Variants in CYP2C19 observed in about 807,000 individuals in gnomAD.
The protein encoded by CYP2C19 is cytochrome P450 2C19.
In CYP2C19, 59 loss-of-function variants were observed where a neutral mutation model predicts 40.9. The observed-to-expected ratio is 1.44, with a 90% CI of 1.17 to 1.79. CYP2C19 has a LOEUF of 1.79. CYP2C19 is among the 40% of genes most tolerant of loss of function. The pLI is 0.00. For synonymous variants in CYP2C19, 253 were observed against 208.7 expected, an observed-to-expected ratio of 1.21 and a Z score of -1.83; for missense variants, 754 against 596.9, an observed-to-expected ratio of 1.26 and a Z score of -2.74.
intron 6 of CYP2C19, among the ~76,000 whole-genome samples, chr10:94,835,394 C>T (rs533203900): frequency 6.6e-6 from 1 of 152,232 alleles, no homozygotes; most frequent in African/African-American, 2.4e-5. Context: ...TGGTGGCTAG[C>T]CATCCCGAGG....
intron 1 of CYP2C19, among the ~76,000 whole-genome samples, chr10:94,769,917 C>T (rs1564659240): frequency 1.3e-5 from 2 of 152,082 alleles, no homozygotes; most frequent in Non-Finnish European, 2.9e-5. Flanking sequence ...TATATCCCTC[C>T]TTAATAAGGG....
chr10:94,832,160 G>A (rs1210154902), intron 6 of CYP2C19, among the ~76,000 whole-genome samples: 1 of 152,150 alleles, frequency 6.6e-6, no homozygotes, highest in African/African-American at 2.4e-5. Flanking sequence ...TGATGAGATG[G>A]TCTTTCCCCC....
At chr10:94,846,834 T>C (rs954269542) in intron 7 of CYP2C19, among the ~76,000 whole-genome samples, 9 of 150,986 alleles carry the variant, frequency 6.0e-5, no homozygotes, top group African/African-American at 2.2e-4. Flanking sequence ...GCTATCTTTC[T>C]GTATTTTTAA....
intron 7 of CYP2C19, among the ~76,000 whole-genome samples, chr10:94,846,287 A>G (rs187752808): frequency 1.3e-5 from 2 of 152,200 alleles, no homozygotes; most frequent in African/African-American, 4.8e-5. Flanking sequence ...CTTGTTTTGT[A>G]TAATTGTTTT....
chr10:94,841,119 G>T (rs1161848259), intron 6 of CYP2C19, among the ~76,000 whole-genome samples: 1 of 152,152 alleles, frequency 6.6e-6, no homozygotes, highest in Admixed American at 6.5e-5. Context: ...CTGACCTGGG[G>T]TTCTTGGCCT....
At chr10:94,796,586 A>C (rs552524143) in intron 5 of CYP2C19, among the ~76,000 whole-genome samples, 1 of 152,266 alleles carries the variant, frequency 6.6e-6, no homozygotes, top group African/African-American at 2.4e-5. Flanking sequence ...TACCTTGGGC[A>C]GTATGGCCAT....
intron 6 of CYP2C19, among the ~76,000 whole-genome samples, chr10:94,828,727 G>T (rs1342472933): frequency 1.3e-5 from 2 of 151,720 alleles, no homozygotes; most frequent in Non-Finnish European, 2.9e-5. Flanking sequence ...TGGTTATTTT[G>T]CTCGTTAGTT....
At chr10:94,783,324 A>G (rs1456331134) in intron 5 of CYP2C19, among the ~76,000 whole-genome samples, 2 of 152,022 alleles carry the variant, frequency 1.3e-5, no homozygotes, top group Non-Finnish European at 2.9e-5. Context: ...GCCTTAAAAT[A>G]TTTGCAGTGA....
intron 3 of CYP2C19, among the ~76,000 whole-genome samples, chr10:94,777,000 A>G (rs1848416125): frequency 6.6e-6 from 1 of 152,120 alleles, no homozygotes; most frequent in East Asian, 1.9e-4. Context: ...ATTCCTATAC[A>G]CCAATAATAG....
intron 5 of CYP2C19, among the ~76,000 whole-genome samples, chr10:94,806,156 C>T (rs1848832866): frequency 1.3e-5 from 2 of 151,786 alleles, no homozygotes; most frequent in African/African-American, 2.4e-5. Context: ...TACATATTTG[C>T]CCTTTTGTGA....
intron 6 of CYP2C19, among the ~76,000 whole-genome samples, chr10:94,829,334 C>T (rs1259201431): frequency 6.6e-6 from 1 of 152,152 alleles, no homozygotes; most frequent in Non-Finnish European, 1.5e-5. Flanking sequence ...TTCACATAGT[C>T]CCATATTTCT....
At chr10:94,839,108 G>A (rs1359764351) in intron 6 of CYP2C19, among the ~76,000 whole-genome samples, 2 of 152,144 alleles carry the variant, frequency 1.3e-5, no homozygotes, top group Non-Finnish European at 2.9e-5. Flanking sequence ...ATCCTCTATG[G>A]TCCTAATGCT....
chr10:94,785,115 G>T (rs889623582), intron 5 of CYP2C19, among the ~76,000 whole-genome samples: 3 of 151,790 alleles, frequency 2.0e-5, no homozygotes, highest in African/African-American at 7.3e-5. Context: ...CCATTCTGTT[G>T]GTTGTCATTT....
intron 5 of CYP2C19, among the ~76,000 whole-genome samples, chr10:94,800,008 C>T (rs2134252245): frequency 6.6e-6 from 1 of 152,284 alleles, no homozygotes; most frequent in Non-Finnish European, 1.5e-5. Flanking sequence ...CTTCTGTCAA[C>T]TCATCAAAGT....
In CYP2C19 at chr10:94,778,393, C is replaced by T. The variant is rs116618873; in HGVS notation, c.482-2106C>T. On this transcript the variant is annotated intron_variant, in intron 3 of 8. Transcript: ENST00000371321. Reference sequence around the variant, plus strand: ...GACCTTTCAGAAGGCCTGCTCCTTTCCCTATACTTTCTCCCACCACTCTGA... The same window carrying T: ...GACCTTTCAGAAGGCCTGCTCCTTTTCCTATACTTTCTCCCACCACTCTGA... Among the ~76,000 whole-genome samples, 1,344 of 152,228 alleles carry T rather than the reference C, an allele frequency of 8.8e-3. 21 individuals carry two copies. The highest frequency in any genetic ancestry group is 0.029 in the African/African-American group (1,219 of 41,548).
At chr10:94,789,152 A>G (rs1848577336) in intron 5 of CYP2C19, among the ~76,000 whole-genome samples, 1 of 151,856 alleles carries the variant, frequency 6.6e-6, no homozygotes, top group South Asian at 2.1e-4. Context: ...TTCTTTTGAG[A>G]AGGGTCTGTT....
intron 6 of CYP2C19, among the ~76,000 whole-genome samples, chr10:94,825,617 C>A (rs1849205375): frequency 8.6e-6 from 1 of 115,834 alleles, no homozygotes; most frequent in African/African-American, 3.4e-5. Flanking sequence ...TGCCTGTTCA[C>A]TCTGATGGTA....
At chr10:94,812,937 G>A (rs1234210395) in intron 5 of CYP2C19, among the ~76,000 whole-genome samples, 1 of 151,784 alleles carries the variant, frequency 6.6e-6, no homozygotes, top group Non-Finnish European at 1.5e-5. Flanking sequence ...TGGAGGAGAA[G>A]AGATGTTCTG....
chr10:94,769,851 C>A (rs185201966), intron 1 of CYP2C19, among the ~76,000 whole-genome samples: 1 of 152,106 alleles, frequency 6.6e-6, no homozygotes, highest in Non-Finnish European at 1.5e-5. Flanking sequence ...TAGGGGACAA[C>A]AAATGGGTAA....
Sources: allele counts gnomAD v4.1 joint callset (sites outside exome capture counted in the v4.1 genomes callset), GRCh38; gene constraint gnomAD v4.1.1; transcripts MANE v1.5; gene names NCBI Gene and HGNC (gene_info 2026-07-23, HGNC 2026-07-21).